The following CHD9 variants were observed in gnomAD, a reference collection of about 807,000 sequenced individuals.
The protein encoded by CHD9 is ATP-dependent chromatin remodeler CHD9.
A neutral mutation model predicts 316.1 loss-of-function variants in CHD9; 77 were observed. That is an observed-to-expected ratio of 0.24 (90% CI 0.20 to 0.29). The LOEUF is 0.29. Ranked by LOEUF, CHD9 falls within the 10% of genes least tolerant of loss-of-function variation. The pLI, the probability that CHD9 is intolerant of heterozygous loss-of-function variation, is 1.00. For missense variants in CHD9, 2,763 were observed against 3,438.1 expected (o/e 0.80, Z 4.91); for synonymous variants, 1,129 against 1,158.3 (o/e 0.97, Z 0.51).
At chr16:53,290,301 G>T (rs2054223058) in intron 27 of CHD9, among the ~76,000 whole-genome samples, 1 of 152,048 alleles carries the variant, frequency 6.6e-6, no homozygotes, top group Admixed American at 6.6e-5. Flanking sequence ...TGTGGGAGCT[G>T]GGTACTGGGG....
At chr16:53,183,968 G>A (rs1296682963) in intron 2 of CHD9, among the ~76,000 whole-genome samples, 12 of 149,720 alleles carry the variant, frequency 8.0e-5, no homozygotes, top group Non-Finnish European at 1.0e-4. Context: ...TTTTTGAGAC[G>A]GAGTCTCGCT....
chr16:53,288,745 A>G (rs1467622428), intron 27 of CHD9, among the ~76,000 whole-genome samples: 1 of 152,196 alleles, frequency 6.6e-6, no homozygotes, highest in Admixed American at 6.5e-5. Flanking sequence ...GAGAAATAGC[A>G]AGGAAATTTA....
intron 1 of CHD9, among the ~76,000 whole-genome samples, chr16:53,146,137 C>T (rs937402725): frequency 6.7e-6 from 1 of 150,192 alleles, no homozygotes. Flanking sequence ...CCTGTAATCC[C>T]AGCACTTTGG....
intron 1 of CHD9, among the ~76,000 whole-genome samples, chr16:53,141,325 G>A (rs1201758700): frequency 6.6e-6 from 1 of 152,178 alleles, no homozygotes; most frequent in Non-Finnish European, 1.5e-5. Flanking sequence ...TCCAGAGCCT[G>A]TAAAACTGTG....
intron 11 of CHD9, among the ~76,000 whole-genome samples, chr16:53,237,455 C>T (rs2048727829): frequency 6.6e-6 from 1 of 152,076 alleles, no homozygotes; most frequent in Non-Finnish European, 1.5e-5. Flanking sequence ...CAGTAATTTC[C>T]ATTGCATAAT....
At position 53,241,145 on chromosome 16, in the gene CHD9, TATTA is replaced by T. The variant is rs1311978939; in HGVS notation, c.2878-1689_2878-1686del. On this transcript the variant is annotated intron_variant, in intron 12 of 38. Transcript: ENST00000447540. ...ACTGACCTAAAATTAATTAGGTTAA[TATTA>T]ATTAAAATCTAAGAACACCCAACTG... Among the ~76,000 whole-genome samples, 22 of 151,826 alleles carry T rather than the reference TATTA, an allele frequency of 1.4e-4. No homozygotes were observed. In the East Asian group the frequency reaches 3.7e-3, roughly 25 times the overall value.
chr16:53,287,214 C>T (rs376185616), intron 26 of CHD9, among the ~76,000 whole-genome samples: 30 of 152,298 alleles, frequency 2.0e-4, no homozygotes, highest in African/African-American at 6.0e-4. Flanking sequence ...GATCTTCCAC[C>T]TTAGCCTTGG....
chr16:53,123,726 T>G (rs1426429676), intron 1 of CHD9, among the ~76,000 whole-genome samples: 1 of 152,090 alleles, frequency 6.6e-6, no homozygotes, highest in East Asian at 1.9e-4. Flanking sequence ...GGTCTCGAAC[T>G]CCTGACCTCA....
intron 2 of CHD9, among the ~76,000 whole-genome samples, chr16:53,198,569 G>A (rs1037993013): frequency 4.6e-5 from 7 of 151,236 alleles, no homozygotes; most frequent in African/African-American, 1.5e-4. Flanking sequence ...CTTGTGATCC[G>A]CCTGCCTCGG....
intron 1 of CHD9, among the ~76,000 whole-genome samples, chr16:53,089,748 T>C (rs2035775646): frequency 6.6e-6 from 1 of 152,170 alleles, no homozygotes; most frequent in African/African-American, 2.4e-5. Context: ...CATTCCTGAG[T>C]AAACAGTTTA....
chr16:53,314,234 G>T, intron 34 of CHD9, 143 bp from the exon 35 acceptor site: 1 of 512,612 alleles, frequency 2.0e-6, no homozygotes, highest in Non-Finnish European at 3.3e-6. Flanking sequence ...GAGAGGTGGG[G>T]ATGATATTTT....
chr16:53,219,359 G>A (rs2047038564), intron 3 of CHD9, among the ~76,000 whole-genome samples: 1 of 152,138 alleles, frequency 6.6e-6, no homozygotes, highest in East Asian at 1.9e-4. Context: ...TAACTTCTAG[G>A]TAGTAGTTAA....
intron 1 of CHD9, among the ~76,000 whole-genome samples, chr16:53,146,774 G>T (rs1006535848): frequency 2.7e-5 from 4 of 149,602 alleles, no homozygotes; most frequent in African/African-American, 9.9e-5. Context: ...ACTCTAGCCT[G>T]GGGGACAGAG....
intron 1 of CHD9, among the ~76,000 whole-genome samples, chr16:53,111,045 G>A (rs1289495334): frequency 3.9e-5 from 6 of 152,168 alleles, no homozygotes; most frequent in Non-Finnish European, 1.5e-5. Flanking sequence ...ATAGATTATT[G>A]TGGAGTAATG....
At chr16:53,218,813 C>T (rs143553776) in intron 3 of CHD9, among the ~76,000 whole-genome samples, 4 of 152,266 alleles carry the variant, frequency 2.6e-5, no homozygotes, top group Admixed American at 2.6e-4. Flanking sequence ...AACAACTACA[C>T]TCTCCGTGTG....
intron 2 of CHD9, among the ~76,000 whole-genome samples, chr16:53,193,032 A>AT (rs1240228449): frequency 8.3e-4 from 114 of 137,376 alleles, no homozygotes; most frequent in Non-Finnish European, 1.4e-3. Context: ...TGTATGTTGA[A>AT]CTTATAAAAA....
Position 53,245,295 on chromosome 16 carries a change from G to A in CHD9, c.3055-41G>A. On this transcript the variant is annotated intron_variant, in intron 13 of 38. Transcript: ENST00000447540. This position sits in a 1 kb window ranked among gnomAD's most constrained non-coding sequence, Gnocchi z 4.1. ...CTAAGTCAGCTTTCATATAATTTTA[G>A]TACTGTGATGTTTGATGTGAATTGT... 1.4e-6 allele frequency: 2 copies of A among 1,438,102 alleles called. No individual in the cohort carries two copies. Among genetic ancestry groups the A allele is most frequent in the Non-Finnish European group, 1.8e-6 (2 of 1,090,802 alleles). 89.1% of individuals were successfully genotyped at this position (1,438,102 alleles called of 1,614,324 possible).
rs1037998824 is a variant in CHD9, at chr16:53,321,237, G to A, written c.7714-289G>A. ...TAGCTGGTAAGTCTAACTCTAGAGG[G>A]TGTACTTTTAACTAGGCTATATGGC... On this transcript the variant is annotated intron_variant, in intron 37 of 38. Coordinates refer to ENST00000447540, the MANE Select transcript of CHD9 (RefSeq NM_001308319.2). The A allele has an allele frequency of 5.2e-6, 7 of 1,335,056 alleles. No homozygotes were observed. In the African/African-American group the frequency reaches 8.9e-5, roughly 17 times the overall value. The allele number at this position is 1,335,056 out of a possible 1,614,324, so 82.7% of individuals were successfully genotyped here.
At chr16:53,264,632 A>G (rs1044814045) in intron 20 of CHD9, among the ~76,000 whole-genome samples, 8 of 152,192 alleles carry the variant, frequency 5.3e-5, no homozygotes, top group Non-Finnish European at 1.0e-4. Context: ...TTAGAGAGTG[A>G]GGAAAATAAA....
Sources: gnomAD v4.1 joint callset for allele counts (sites outside exome capture counted in the v4.1 genomes callset) on GRCh38, gnomAD v4.1.1 for gene constraint, Gnocchi (gnomAD v3.1) non-coding constraint, MANE v1.5 for transcripts, NCBI Gene and HGNC (gene_info 2026-07-23, HGNC 2026-07-21) for gene names.